MDN1: variants seen among roughly 807,000 people sequenced by gnomAD.
MDN1 encodes midasin AAA ATPase 1.
Under a neutral mutation model 669.2 loss-of-function variants are expected in MDN1, and 266 were observed. That is an observed-to-expected ratio of 0.40 (90% CI 0.36 to 0.44). The LOEUF is 0.44. MDN1 is among the 20% of genes least tolerant of loss of function. The pLI is 1.00. For missense variants in MDN1, 5,940 were observed against 6,754.0 expected (o/e 0.88, Z 4.22); for synonymous variants, 2,385 against 2,457.1 (o/e 0.97, Z 0.87).
intron 1 of MDN1, among the ~76,000 whole-genome samples, chr6:89,817,425 T>G (rs2128333525): frequency 6.6e-6 from 1 of 152,258 alleles, no homozygotes; most frequent in African/African-American, 2.4e-5. Flanking sequence ...AGCTACACAA[T>G]CCCCTTCTCT....
At chr6:89,817,865 A>AT (rs1399954206) in intron 1 of MDN1, among the ~76,000 whole-genome samples, 12 of 152,220 alleles carry the variant, frequency 7.9e-5, no homozygotes, top group African/African-American at 2.9e-4. Flanking sequence ...TGTCCCATAC[A>AT]TAACAGAATG....
At position 89,718,385 on chromosome 6, in the gene MDN1, G is replaced by C; in HGVS notation, c.6564C>G (p.Ile2188Met). Reference protein sequence around the residue: ...LLLMQRLNNKINSYCKAEFAK... With the variant: ...LLLMQRLNNKMNSYCKAEFAK... ...ACATACCTGCCTTGCAGTATGAGTT[G>C]ATTTTATTGTTGAGTCGCTGCATAA... The change falls in exon 43 of 102, where the codon ATC (isoleucine) becomes ATG (methionine). Residue 2188 changes from isoleucine (I) to methionine (M), a missense_variant. Physicochemically the swap from Ile to Met is conservative, Grantham distance 10. Around this residue, in one of 5 missense-constraint regions of MDN1, gnomAD observed 2,292 missense variants for 2,638.3 expected, o/e 0.87. Coordinates refer to ENST00000369393, the MANE Select transcript of MDN1 (RefSeq NM_014611.3). The C allele has an allele frequency of 6.2e-7, 1 of 1,613,840 alleles. No homozygotes were observed. Among genetic ancestry groups the C allele is most frequent in the East Asian group, 2.2e-5 (1 of 44,886 alleles).
intron 41 of MDN1, 23 bp from the exon 42 acceptor site, chr6:89,719,053 T>C: frequency 1.2e-6 from 2 of 1,613,878 alleles, no homozygotes; most frequent in East Asian, 2.2e-5. Context: ...GCCAGTGAGA[T>C]TTCCATAAGC....
chr6:89,689,419 A>G (rs1812232063), intron 65 of MDN1, among the ~76,000 whole-genome samples: 1 of 152,154 alleles, frequency 6.6e-6, no homozygotes, highest in Admixed American at 6.6e-5. Flanking sequence ...CTTCTATGAA[A>G]TAATGCCAAG....
At chr6:89,646,047 CAGAATACA>C (rs1234898366) in intron 100 of MDN1, among the ~76,000 whole-genome samples, 5 of 152,142 alleles carry the variant, frequency 3.3e-5, no homozygotes, top group Non-Finnish European at 5.9e-5. Context: ...CCCAGTATAC[CAGAATACA>C]CACATATTCA....
intron 10 of MDN1, among the ~76,000 whole-genome samples, 194 bp from the exon 11 acceptor site, chr6:89,780,487 T>C (rs1021319627): frequency 1.3e-5 from 2 of 152,118 alleles, no homozygotes; most frequent in African/African-American, 4.8e-5. Flanking sequence ...TGTATTTGTG[T>C]GTAAAATTTA....
chr6:89,677,637 G>A lies in MDN1; in HGVS notation c.12472C>T (p.His4158Tyr). The change falls in exon 76 of 102, where the codon CAT (histidine) becomes TAT (tyrosine). Residue 4158 changes from histidine (H) to tyrosine (Y), a missense_variant. Around this residue, in one of 5 missense-constraint regions of MDN1, gnomAD observed 2,280 missense variants for 2,576.3 expected, o/e 0.88. Coordinates refer to ENST00000369393, the MANE Select transcript of MDN1 (RefSeq NM_014611.3). The part of the protein sequence containing the change: ...ARSKNPQEML[H>Y]LHPLDLQSAL... ...CTCTGGAGATCTAATGGGTGAAGAT[G>A]AAGCATCTCTTGAGGGTTTTTTGAA... is the stretch of plus-strand genomic sequence containing the variant. The A allele has an allele frequency of 1.2e-6, 2 of 1,614,178 alleles. No homozygotes were observed. The highest frequency in any genetic ancestry group is 1.7e-6 in the Non-Finnish European group (2 of 1,180,032).
intron 5 of MDN1, among the ~76,000 whole-genome samples, chr6:89,790,797 G>A (rs1214693767): frequency 6.6e-6 from 1 of 152,234 alleles, no homozygotes; most frequent in Non-Finnish European, 1.5e-5. Flanking sequence ...AAGGCAGGTG[G>A]ATCACCTGAA....
chr6:89,675,042 G>GA (rs769736539), intron 78 of MDN1, among the ~76,000 whole-genome samples: 7 of 152,150 alleles, frequency 4.6e-5, no homozygotes, highest in Non-Finnish European at 8.8e-5. Flanking sequence ...CCATCTGGGG[G>GA]ATCCCCAAAG....
At position 89,781,392 on chromosome 6, in the gene MDN1, C is replaced by G. The variant is rs1361234680; in HGVS notation, c.1643+7G>C. The G allele has an allele frequency of 3.7e-6, 6 of 1,611,898 alleles. No individual in the cohort carries two copies. In the African/African-American group the frequency reaches 6.7e-5, roughly 18 times the overall value. ...GAAAGAAAAGAAAAAACTGTTTAGT[C>G]CAGTACCTTAGAGATAATTCTCTTC... On this transcript the variant is annotated splice_region_variant and intron_variant, in intron 10 of 101. Transcript: ENST00000369393.
chr6:89,740,493 TTTAG>T, intron 31 of MDN1, 115 bp from the exon 32 acceptor site: 12 of 1,022,676 alleles, frequency 1.2e-5, no homozygotes, highest in Non-Finnish European at 1.5e-5. Flanking sequence ...GAATTTTTAC[TTTAG>T]TTAATGGTTT....
At chr6:89,721,179 T>C (rs1814793453) in intron 40 of MDN1, among the ~76,000 whole-genome samples, 2 of 152,148 alleles carry the variant, frequency 1.3e-5, no homozygotes, top group Admixed American at 1.3e-4. Context: ...AGTCGACTCC[T>C]GTGAGGTATG....
intron 55 of MDN1, 72 bp downstream of exon 55, chr6:89,701,486 T>C: frequency 1.3e-6 from 2 of 1,560,398 alleles, no homozygotes; most frequent in Non-Finnish European, 1.7e-6. Context: ...ACAATGTCAG[T>C]TCCCAAGTTC....
chr6:89,714,733 A>C lies in MDN1; in HGVS notation c.6879T>G (p.Asp2293Glu). The C allele has an allele frequency of 6.2e-7, 1 of 1,609,712 alleles. No homozygotes were observed. Among genetic ancestry groups the C allele is most frequent in the Non-Finnish European group, 8.5e-7 (1 of 1,178,850 alleles). The part of the protein sequence containing the change: ...NPNFRLFLSM[D>E]PVHGDISRAM... ...CTCGGGATATATCTCCATGAACAGGATCCATCGAGAGGAAAAGTCTAGAAA... is the reference window on the plus strand; with the variant it reads ...CTCGGGATATATCTCCATGAACAGGCTCCATCGAGAGGAAAAGTCTAGAAA... Residue 2293 changes from aspartate to glutamate, a missense_variant, in exon 46 of 102, where the codon GAT (aspartate) becomes GAG (glutamate). By Grantham distance (45) the Asp-to-Glu change is conservative. This residue lies in a region of MDN1 where 2,292 missense variants were observed against 2,638.3 expected (regional missense o/e 0.87). Coordinates refer to ENST00000369393, the MANE Select transcript of MDN1 (RefSeq NM_014611.3).
intron 15 of MDN1, among the ~76,000 whole-genome samples, chr6:89,770,904 C>A (rs1329906389): frequency 3.9e-5 from 6 of 152,132 alleles, no homozygotes; most frequent in Non-Finnish European, 7.3e-5. Flanking sequence ...CCTTTGAGAA[C>A]AAGGGCCTCA....
Position 89,710,884 on chromosome 6 carries a change from T to C in MDN1, c.7652-90A>G, listed in dbSNP as rs1302822677. On this transcript the variant is annotated intron_variant, in intron 49 of 101. Coordinates refer to ENST00000369393, the MANE Select transcript of MDN1 (RefSeq NM_014611.3). The stretch of plus-strand genomic sequence containing the variant: ...GTGATGAAAATGTTCTACAGCTGCA[T>C]AGAATAACCACTAGTCACATATGAG... The C allele has an allele frequency of 7.0e-6, 5 of 719,286 alleles. No individual in the cohort carries two copies. In the East Asian group the frequency reaches 9.3e-5, roughly 13 times the overall value. 44.6% of individuals were successfully genotyped at this position (719,286 alleles called of 1,614,324 possible).
In MDN1 at chr6:89,751,516, T is replaced by C. The variant is rs115558420; in HGVS notation, c.3142A>G (p.Lys1048Glu). 913 of 1,614,168 alleles carry C rather than the reference T, an allele frequency of 5.7e-4. 8 individuals are homozygous for C. The African/African-American group carries it at 0.011, about 20-fold the overall frequency. ...VEGYWIAVGD[K>E]EPTIDETYIL... ...TACGTCTCATCTATTGTAGGCTCCTTGTCTCCCACCGCAATCCAGTAGCCT... is the reference window on the plus strand; with the variant it reads ...TACGTCTCATCTATTGTAGGCTCCTCGTCTCCCACCGCAATCCAGTAGCCT... Residue 1048 changes from lysine to glutamate, a missense_variant, in exon 23 of 102, where the codon AAG (lysine) becomes GAG (glutamate). Lys to Glu is a moderately conservative substitution (Grantham distance 56, BLOSUM62 1). This residue lies in a region of MDN1 where 1,203 missense variants were observed against 1,268.9 expected (regional missense o/e 0.95). Transcript: ENST00000369393.
At chr6:89,654,883 A>G (rs1809143268) in intron 92 of MDN1, among the ~76,000 whole-genome samples, 2 of 152,138 alleles carry the variant, frequency 1.3e-5, no homozygotes, top group South Asian at 4.1e-4. Flanking sequence ...TAAAAATAAT[A>G]AAAAGTAGTA....
intron 75 of MDN1, among the ~76,000 whole-genome samples, chr6:89,678,290 C>T (rs1811367746): frequency 6.6e-6 from 1 of 152,104 alleles, no homozygotes; most frequent in Non-Finnish European, 1.5e-5. Flanking sequence ...GATCACACCG[C>T]TGCACTAACC....
Sources: gnomAD v4.1 joint callset for allele counts (sites outside exome capture counted in the v4.1 genomes callset) on GRCh38, gnomAD v4.1.1 for gene constraint, gnomAD v4.1.1 regional missense constraint, MANE v1.5 for transcripts, NCBI Gene and HGNC (gene_info 2026-07-23, HGNC 2026-07-21) for gene names.